NSMCE2: variants seen among roughly 807,000 people sequenced by gnomAD.
NSMCE2 encodes the protein E3 SUMO-protein ligase NSE2.
NSMCE2 carries 24 observed loss-of-function variants against 23.8 expected under a neutral mutation model. The observed-to-expected ratio is 1.01, with a 90% confidence interval of 0.73 to 1.42. The LOEUF (loss-of-function observed/expected upper bound fraction) is 1.42, where lower values mean the gene tolerates loss of function less well. Ranked by LOEUF, NSMCE2 falls within the 40% of genes most tolerant of loss-of-function variation. The probability of loss-of-function intolerance (pLI) is 0.00; values close to 1 mark genes in which losing one functional copy is unlikely to be tolerated. For synonymous variants in NSMCE2, 92 were observed against 94.1 expected, an observed-to-expected ratio of 0.98 and a Z score of 0.13; for missense variants, 284 against 296.5, an observed-to-expected ratio of 0.96 and a Z score of 0.31.
intron 3 of NSMCE2, among the ~76,000 whole-genome samples, chr8:125,147,506 G>GT (rs750620822): frequency 9.4e-4 from 143 of 152,274 alleles, no homozygotes; most frequent in Middle Eastern, 3.4e-3. Flanking sequence ...TATCAAGAGT[G>GT]TATGTGTTAA....
At chr8:125,116,571 CGT>C (rs959596794) in intron 3 of NSMCE2, among the ~76,000 whole-genome samples, 2 of 151,820 alleles carry the variant, frequency 1.3e-5, no homozygotes, top group African/African-American at 2.4e-5. Flanking sequence ...TCTGTGTGTG[CGT>C]GTGTGTGTGC....
At chr8:125,285,770 AC>A (rs1827868637) in intron 5 of NSMCE2, among the ~76,000 whole-genome samples, 2 of 151,978 alleles carry the variant, frequency 1.3e-5, no homozygotes, top group African/African-American at 2.4e-5. Flanking sequence ...ACACACACAC[AC>A]ACACACACAA....
intron 5 of NSMCE2, among the ~76,000 whole-genome samples, chr8:125,303,178 T>C (rs116767727): frequency 0.014 from 2,185 of 152,186 alleles, 44 homozygotes; most frequent in African/African-American, 0.05. Context: ...GCTTTCAGAG[T>C]AGCTGCCTCC....
At chr8:125,216,640 A>T (rs914282248) in intron 5 of NSMCE2, among the ~76,000 whole-genome samples, 1 of 152,074 alleles carries the variant, frequency 6.6e-6, no homozygotes. Flanking sequence ...GTGTCAAAAA[A>T]AAAAAAAAAA....
rs537558994 is a variant in NSMCE2, at chr8:125,311,939, A to G, written c.419-45280A>G. ...CAAAATTAGCCAGGCATGGTGGCGC[A>G]TGCCTGTAATCCCAGCTACTCAGGA... On this transcript the variant is annotated intron_variant, in intron 5 of 7. Coordinates refer to ENST00000287437, the MANE Select transcript of NSMCE2 (RefSeq NM_173685.4). Among the ~76,000 whole-genome samples, 7 of 152,124 alleles carry G rather than the reference A, an allele frequency of 4.6e-5. No homozygotes were observed. The East Asian group carries it at 1.4e-3, about 29-fold the overall frequency.
intron 5 of NSMCE2, among the ~76,000 whole-genome samples, chr8:125,313,521 G>T (rs182149926): frequency 1.3e-5 from 2 of 152,278 alleles, no homozygotes; most frequent in East Asian, 3.9e-4. Context: ...TGACAGACAG[G>T]CCTTACTCTT....
intron 5 of NSMCE2, 128 bp from the exon 6 acceptor site, chr8:125,357,091 C>T (rs535200797): frequency 3.0e-4 from 190 of 630,844 alleles, no homozygotes; most frequent in Non-Finnish European, 4.8e-4. Flanking sequence ...AGTTTCTATG[C>T]ATCCAGTCCT....
intron 4 of NSMCE2, among the ~76,000 whole-genome samples, chr8:125,181,118 T>A (rs575723557): frequency 6.6e-6 from 1 of 152,186 alleles, no homozygotes; most frequent in Non-Finnish European, 1.5e-5. Flanking sequence ...GGAGAGCAGC[T>A]GCAGCAAAGT....
At chr8:125,203,880 T>C (rs1272799619) in intron 5 of NSMCE2, among the ~76,000 whole-genome samples, 1 of 152,228 alleles carries the variant, frequency 6.6e-6, no homozygotes, top group Non-Finnish European at 1.5e-5. Flanking sequence ...ACTTGTTAGC[T>C]TGAAAGTAGG....
intron 5 of NSMCE2, among the ~76,000 whole-genome samples, chr8:125,239,626 A>G (rs1825687135): frequency 6.6e-6 from 1 of 152,004 alleles, no homozygotes; most frequent in East Asian, 1.9e-4. Flanking sequence ...AAAAAAAAAA[A>G]AAATTCAAAC....
chr8:125,127,962 G>C (rs1335700774), intron 3 of NSMCE2, among the ~76,000 whole-genome samples: 1 of 152,174 alleles, frequency 6.6e-6, no homozygotes. Flanking sequence ...TTTTCCACTT[G>C]TGGTGTCATG....
At chr8:125,348,958 T>C (rs1358692551) in intron 5 of NSMCE2, 11 of 145,024 alleles carry the variant, frequency 7.6e-5, no homozygotes, top group Admixed American at 2.9e-4. Flanking sequence ...ATGAGGAAAC[T>C]GAGGTACAAA....
At chr8:125,305,923 G>A (rs1828737365) in intron 5 of NSMCE2, among the ~76,000 whole-genome samples, 1 of 152,158 alleles carries the variant, frequency 6.6e-6, no homozygotes, top group African/African-American at 2.4e-5. Flanking sequence ...TGTAGTACAG[G>A]CTAAATGTTA....
intron 5 of NSMCE2, among the ~76,000 whole-genome samples, chr8:125,304,419 GC>G (rs1828675385): frequency 6.6e-6 from 1 of 152,150 alleles, no homozygotes; most frequent in South Asian, 2.1e-4. Context: ...TGACTTCAGT[GC>G]CCCGTGATGT....
At chr8:125,360,935 TG>T (rs1813514759) in intron 7 of NSMCE2, among the ~76,000 whole-genome samples, 1 of 152,212 alleles carries the variant, frequency 6.6e-6, no homozygotes, top group South Asian at 2.1e-4. Context: ...CTCTCTGCAC[TG>T]GCTTGAGTCA....
At chr8:125,217,009 A>G (rs1824618599) in intron 5 of NSMCE2, among the ~76,000 whole-genome samples, 1 of 152,234 alleles carries the variant, frequency 6.6e-6, no homozygotes, top group African/African-American at 2.4e-5. Flanking sequence ...ATGCAGTTAT[A>G]TATTGCATCC....
At chr8:125,243,061 A>C (rs572622937) in intron 5 of NSMCE2, among the ~76,000 whole-genome samples, 1 of 152,214 alleles carries the variant, frequency 6.6e-6, no homozygotes, top group African/African-American at 2.4e-5. Context: ...ATCACCAGAC[A>C]TGGAAATGTC....
At chr8:125,235,579 T>C (rs777523486) in intron 5 of NSMCE2, among the ~76,000 whole-genome samples, 10 of 152,250 alleles carry the variant, frequency 6.6e-5, no homozygotes, top group Non-Finnish European at 1.2e-4. Context: ...CATGGAGTTA[T>C]ATTTTATACA....
chr8:125,360,265 G>A (rs1357643056), intron 7 of NSMCE2, among the ~76,000 whole-genome samples: 2 of 152,180 alleles, frequency 1.3e-5, no homozygotes. Flanking sequence ...CAGCAAGTGT[G>A]AGTTTTGCAG....
Sources: gnomAD v4.1 joint callset for allele counts (sites outside exome capture counted in the v4.1 genomes callset) on GRCh38, gnomAD v4.1.1 for gene constraint, MANE v1.5 for transcripts, NCBI Gene and HGNC (gene_info 2026-07-23, HGNC 2026-07-21) for gene names.